ARHGAP24: variants seen among roughly 807,000 people sequenced by gnomAD.
ARHGAP24 encodes rho GTPase-activating protein 24.
Under a neutral mutation model 76.4 loss-of-function variants are expected in ARHGAP24, and 50 were observed. The ratio of observed to expected loss-of-function variants is 0.65; its 90% CI spans 0.52 to 0.83. ARHGAP24 has a LOEUF of 0.83. ARHGAP24 is among the 40% of genes least tolerant of loss of function. The probability of loss-of-function intolerance (pLI) is 0.00; values close to 1 mark genes in which losing one functional copy is unlikely to be tolerated. For synonymous variants in ARHGAP24, 345 were observed against 323.3 expected, an observed-to-expected ratio of 1.07 and a Z score of -0.72; for missense variants, 930 against 914.2, an observed-to-expected ratio of 1.02 and a Z score of -0.22.
intron 2 of ARHGAP24, among the ~76,000 whole-genome samples, chr4:85,718,795 A>C (rs73835542): frequency 0.044 from 6,718 of 152,286 alleles, 450 homozygotes; most frequent in African/African-American, 0.15. Flanking sequence ...GTTAATAAAA[A>C]TTTCATCCAG....
At chr4:85,867,035 T>C (rs549745744) in intron 3 of ARHGAP24, among the ~76,000 whole-genome samples, 2 of 152,220 alleles carry the variant, frequency 1.3e-5, no homozygotes, top group South Asian at 2.1e-4. Context: ...ATGTACTCTA[T>C]ATGAATTTTA....
intron 1 of ARHGAP24, among the ~76,000 whole-genome samples, chr4:85,503,128 T>C (rs938605652): frequency 6.6e-6 from 1 of 152,228 alleles, no homozygotes; most frequent in Non-Finnish European, 1.5e-5. Flanking sequence ...GCCAGTTTTT[T>C]ACTAAGGATT....
At chr4:85,784,842 C>T (rs749438241) in intron 3 of ARHGAP24, among the ~76,000 whole-genome samples, 9 of 152,116 alleles carry the variant, frequency 5.9e-5, no homozygotes, top group Middle Eastern at 3.4e-3. Flanking sequence ...CTGTCCCCGC[C>T]CCAATCCTTT....
In ARHGAP24 at chr4:85,664,380, T is replaced by C. The variant is rs576866058; in HGVS notation, c.181-57505T>C. On this transcript the variant is annotated intron_variant, in intron 2 of 9. Coordinates refer to ENST00000395184, the MANE Select transcript of ARHGAP24 (RefSeq NM_001025616.3). ...ATATCCCCTTTATCATTTTTCATTG[T>C]GTCTATTTGATTCTTCTCTCTTTTC... Among the ~76,000 whole-genome samples the C allele has an allele frequency of 1.3e-3, 192 of 151,314 alleles. 5 individuals carry two copies. Among genetic ancestry groups the C allele is most frequent in the African/African-American group, 4.6e-3 (185 of 40,616 alleles).
rs537618955 is a variant in ARHGAP24, at chr4:85,844,264, G to A, written c.269-79384G>A. Among the ~76,000 whole-genome samples, 5 of 152,306 alleles carry A rather than the reference G, an allele frequency of 3.3e-5. No homozygotes were observed. The South Asian group carries it at 1.0e-3, about 32-fold the overall frequency. On this transcript the variant is annotated intron_variant, in intron 3 of 9. Coordinates refer to ENST00000395184, the MANE Select transcript of ARHGAP24 (RefSeq NM_001025616.3). ...ATACCAGAGATTAAAGAGATATAGA[G>A]TCTCCAATAGGATCCATTAGCGGAG...
intron 1 of ARHGAP24, among the ~76,000 whole-genome samples, chr4:85,567,987 A>T (rs1421198464): frequency 7.9e-5 from 12 of 152,210 alleles, no homozygotes; most frequent in Non-Finnish European, 1.8e-4. Flanking sequence ...AAATCATAAA[A>T]ATATAGGCAT....
At chr4:85,496,899 A>C (rs962671518) in intron 1 of ARHGAP24, among the ~76,000 whole-genome samples, 32 of 152,236 alleles carry the variant, frequency 2.1e-4, no homozygotes, top group Admixed American at 1.8e-3. Context: ...AGAAATGAGT[A>C]TGAAATTTAG....
At chr4:85,488,180 C>T (rs1723217830) in intron 1 of ARHGAP24, among the ~76,000 whole-genome samples, 1 of 151,702 alleles carries the variant, frequency 6.6e-6, no homozygotes, top group Admixed American at 6.6e-5. Flanking sequence ...AAGCCGAAGC[C>T]ACCTTGATAT....
intron 3 of ARHGAP24, among the ~76,000 whole-genome samples, chr4:85,884,400 GC>G: frequency 6.6e-6 from 1 of 152,298 alleles, no homozygotes; most frequent in East Asian, 1.9e-4. Context: ...TCATTGTCGA[GC>G]CCTTTGTTGT....
chr4:85,655,808 G>T (rs1367944885), intron 2 of ARHGAP24, among the ~76,000 whole-genome samples: 14 of 82,040 alleles, frequency 1.7e-4, no homozygotes, highest in African/African-American at 6.9e-4. Flanking sequence ...GAGAGAGAGA[G>T]AGAGAGAGAA....
At chr4:85,745,844 A>T (rs1262614489) in intron 3 of ARHGAP24, among the ~76,000 whole-genome samples, 3 of 152,176 alleles carry the variant, frequency 2.0e-5, no homozygotes, top group African/African-American at 7.2e-5. Context: ...AGAATCTATA[A>T]GTTTCCAAGT....
chr4:85,828,454 T>C (rs1056790263), intron 3 of ARHGAP24, among the ~76,000 whole-genome samples: 1 of 152,142 alleles, frequency 6.6e-6, no homozygotes, highest in Admixed American at 6.6e-5. Context: ...GGGAGTTTTT[T>C]GTGTAATTGC....
intron 2 of ARHGAP24, among the ~76,000 whole-genome samples, chr4:85,605,550 A>G (rs1720166266): frequency 6.6e-6 from 1 of 152,240 alleles, no homozygotes; most frequent in South Asian, 2.1e-4. Context: ...TCATACAACA[A>G]GAGCTATTAT....
intron 1 of ARHGAP24, among the ~76,000 whole-genome samples, chr4:85,559,280 A>C (rs1240098545): frequency 6.6e-6 from 1 of 152,220 alleles, no homozygotes; most frequent in Non-Finnish European, 1.5e-5. Flanking sequence ...AAATGAGTTC[A>C]TTTTAATTGA....
chr4:85,600,767 C>T (rs949573408), intron 2 of ARHGAP24, among the ~76,000 whole-genome samples: 10 of 152,264 alleles, frequency 6.6e-5, no homozygotes, highest in East Asian at 3.9e-4. Context: ...TAATATGCTA[C>T]GCTTATTCAA....
At position 85,663,493 on chromosome 4, in the gene ARHGAP24, A is replaced by G. The variant is rs142029632; in HGVS notation, c.181-58392A>G. 5.7e-3 allele frequency among the ~76,000 whole-genome samples: 860 copies of G among 149,736 alleles called. 8 individuals carry two copies. The highest frequency in any genetic ancestry group is 9.5e-3 in the Non-Finnish European group (643 of 67,662). On this transcript the variant is annotated intron_variant, in intron 2 of 9. Coordinates refer to ENST00000395184, the MANE Select transcript of ARHGAP24 (RefSeq NM_001025616.3). Reference sequence around the variant, plus strand: ...GGACAATTTGACTTCCTCATTTCCTAATTGAATACCCTTGATTTCCTTCTC... The same window carrying G: ...GGACAATTTGACTTCCTCATTTCCTGATTGAATACCCTTGATTTCCTTCTC...
intron 1 of ARHGAP24, among the ~76,000 whole-genome samples, chr4:85,480,420 A>G (rs1722769407): frequency 6.6e-6 from 1 of 152,294 alleles, no homozygotes; most frequent in East Asian, 1.9e-4. Flanking sequence ...GCTCAATTGT[A>G]CGCCAGTCAA....
chr4:85,564,682 A>G (rs1726755352), intron 1 of ARHGAP24, among the ~76,000 whole-genome samples: 1 of 151,686 alleles, frequency 6.6e-6, no homozygotes, highest in African/African-American at 2.4e-5. Flanking sequence ...ATCAGACATT[A>G]GTTAGATTCT....
intron 1 of ARHGAP24, among the ~76,000 whole-genome samples, chr4:85,558,853 C>G (rs893220553): frequency 6.6e-6 from 1 of 152,170 alleles, no homozygotes; most frequent in Non-Finnish European, 1.5e-5. Context: ...ATCAAAGTTA[C>G]CCACTTGTAA....
Sources: gnomAD v4.1 joint callset for allele counts (sites outside exome capture counted in the v4.1 genomes callset) on GRCh38, gnomAD v4.1.1 for gene constraint, MANE v1.5 for transcripts, NCBI Gene and HGNC (gene_info 2026-07-23, HGNC 2026-07-21) for gene names.